EZR: variants seen among roughly 807,000 people sequenced by gnomAD.
EZR encodes cytovillin 2.
A neutral mutation model predicts 74.8 loss-of-function variants in EZR; 40 were observed. That is an observed-to-expected ratio of 0.53 (90% CI 0.42 to 0.70). The LOEUF (loss-of-function observed/expected upper bound fraction) is 0.70. EZR is among the 30% of genes least tolerant of loss of function. EZR has a pLI of 0.00. For synonymous variants in EZR, 341 were observed against 283.3 expected, an observed-to-expected ratio of 1.20 and a Z score of -2.05; for missense variants, 678 against 755.8, an observed-to-expected ratio of 0.90 and a Z score of 1.21.
chr6:158,785,530 G>A lies in EZR; in HGVS notation c.246C>T (p.Ala82=). The stretch of plus-strand genomic sequence containing the variant: ...CAGCCACATCTTCAGGGTAGAACTT[G>A]GCCCGGAACTTGAACTGGAGGGGAT... ...KENPLQFKFR[A]KFYPEDVAEE... Residue 82 remains alanine (A), a synonymous_variant, in exon 5 of 14, where the codon GCC becomes GCT. Coordinates refer to ENST00000367075, the MANE Select transcript of EZR (RefSeq NM_001111077.2). 7 of 1,614,166 alleles carry A rather than the reference G, an allele frequency of 4.3e-6. No individual in the cohort carries two copies. The highest frequency in any genetic ancestry group is 1.1e-5 in the South Asian group (1 of 91,080).
chr6:158,787,993 A>T (rs1791628648), intron 3 of EZR, among the ~76,000 whole-genome samples: 1 of 152,222 alleles, frequency 6.6e-6, no homozygotes, highest in Admixed American at 6.5e-5. Context: ...ACATTTGTTG[A>T]ACATCATCTA....
chr6:158,766,867 C>A lies in EZR; in HGVS notation c.*47G>T, dbSNP rs1329244671. ...AAAGACACAAGCGTGGCGGGGCTGG[C>A]AGCGCCCGCTATGAGCACCCCTCTG... On this transcript the variant is annotated 3_prime_UTR_variant, in exon 14 of 14. Coordinates refer to ENST00000367075, the MANE Select transcript of EZR (RefSeq NM_001111077.2). 1.3e-5 allele frequency: 21 copies of A among 1,569,252 alleles called. No homozygotes were observed. The highest frequency in any genetic ancestry group is 1.8e-5 in the Non-Finnish European group (21 of 1,149,094).
At chr6:158,794,696 C>T (rs773697455) in intron 2 of EZR, among the ~76,000 whole-genome samples, 1 of 152,086 alleles carries the variant, frequency 6.6e-6, no homozygotes, top group Non-Finnish European at 1.5e-5. Context: ...AACGCAATCA[C>T]GTGTAGTACA....
intron 2 of EZR, among the ~76,000 whole-genome samples, chr6:158,790,971 A>G (rs1253822839): frequency 6.6e-6 from 1 of 152,214 alleles, no homozygotes. Context: ...ATAAGGACGT[A>G]TTACCTGTGC....
chr6:158,766,778 TTC>T lies in EZR; in HGVS notation c.*134_*135del, dbSNP rs1312486977. 6.6e-5 allele frequency: 60 copies of T among 906,482 alleles called. No homozygotes were observed. Among genetic ancestry groups the T allele is most frequent in the Admixed American group, 1.6e-4 (7 of 43,470 alleles). 56.2% of individuals were successfully genotyped at this position (906,482 alleles called of 1,614,324 possible). On this transcript the variant is annotated 3_prime_UTR_variant, in exon 14 of 14. Transcript: ENST00000367075. ...CTCCCTGGTTCCCAGCCCAGAATGT[TTC>T]TGTTGGGTAACTGCTTTCTAAAGGA...
intron 2 of EZR, among the ~76,000 whole-genome samples, chr6:158,810,577 G>T (rs556801046): frequency 1.3e-5 from 2 of 152,230 alleles, no homozygotes; most frequent in Non-Finnish European, 2.9e-5. Context: ...TGGTACCCAT[G>T]TGACTGATAA....
Position 158,767,385 on chromosome 6 carries a change from T to A in EZR, c.1472A>T (p.Asp491Val). The change falls in exon 13 of 14, where the codon GAT becomes GTT. Residue 491 changes from aspartate (D) to valine (V), a missense_variant. Around this residue, in one of 3 missense-constraint regions of EZR, gnomAD observed 342 missense variants for 341.2 expected, o/e 1.00. Coordinates refer to ENST00000367075, the MANE Select transcript of EZR (RefSeq NM_001111077.2). ...GTAGCCCGTGGGCTCTGCGCCCTCA[T>A]CCTGCAAGCTCTCCTGGACATGGTA... Reference protein sequence around the residue: ...VSYHVQESLQDEGAEPTGYSA... With the variant: ...VSYHVQESLQVEGAEPTGYSA... 1 of 1,593,616 alleles carries A rather than the reference T, an allele frequency of 6.3e-7. No individual in the cohort carries two copies. Among genetic ancestry groups the A allele is most frequent in the East Asian group, 2.3e-5 (1 of 43,080 alleles).
At chr6:158,801,198 T>C (rs540338244) in intron 2 of EZR, among the ~76,000 whole-genome samples, 19 of 152,284 alleles carry the variant, frequency 1.2e-4, no homozygotes, top group African/African-American at 4.6e-4. Flanking sequence ...CACTGTAGCC[T>C]CCACCTCCCG....
chr6:158,794,472 A>G (rs896997403), intron 2 of EZR, among the ~76,000 whole-genome samples: 3 of 152,202 alleles, frequency 2.0e-5, no homozygotes, highest in African/African-American at 7.2e-5. Flanking sequence ...ATCTTCAATA[A>G]TGCCAGAGGA....
chr6:158,808,546 A>T (rs1278831508), intron 2 of EZR, among the ~76,000 whole-genome samples: 20 of 152,232 alleles, frequency 1.3e-4, no homozygotes, highest in Admixed American at 1.3e-3. Flanking sequence ...AAAGCTTTTA[A>T]TCAGATTAGA....
intron 7 of EZR, among the ~76,000 whole-genome samples, chr6:158,781,856 C>T (rs1791442247): frequency 6.6e-6 from 1 of 151,366 alleles, no homozygotes; most frequent in Non-Finnish European, 1.5e-5. Flanking sequence ...CTCTGCCTCC[C>T]AGGCTCAAGT....
intron 8 of EZR, among the ~76,000 whole-genome samples, chr6:158,774,547 C>A (rs552120410): frequency 1.3e-5 from 2 of 151,910 alleles, no homozygotes; most frequent in Middle Eastern, 6.8e-3. Flanking sequence ...CTTTTGCTTA[C>A]GAGATGGCTT....
intron 2 of EZR, among the ~76,000 whole-genome samples, chr6:158,804,860 CCACT>C (rs1205801404): frequency 6.7e-6 from 1 of 150,236 alleles, no homozygotes; most frequent in African/African-American, 2.5e-5. Context: ...TGCGCTGCAC[CCACT>C]AACTCGTCAT....
rs143214391 is a variant in EZR, at chr6:158,794,150, G to A, written c.13-4779C>T. Among the ~76,000 whole-genome samples the A allele has an allele frequency of 1.7e-4, 26 of 152,310 alleles. No homozygotes were observed. In the East Asian group the frequency reaches 4.4e-3, roughly 26 times the overall value. The stretch of plus-strand genomic sequence containing the variant: ...AAATTAGCCGGGCGTGGTACCACGT[G>A]CCCATACATAGTCCCAGCTTCTTGG... On this transcript the variant is annotated intron_variant, in intron 2 of 13. Transcript: ENST00000367075.
rs1463961609 is a variant in EZR at position 158,766,961 on chromosome 6, G to A, written c.1714C>T (p.Arg572Trp). Residue 572 changes from arginine (R) to tryptophan (W), a missense_variant, in exon 14 of 14, where the codon CGG becomes TGG. Physicochemically the swap from Arg to Trp is moderately radical, Grantham distance 101. Coordinates refer to ENST00000367075, the MANE Select transcript of EZR (RefSeq NM_001111077.2). Reference sequence around the variant, plus strand: ...ATGCGCTGCTTGGTGTTGCCCTGCCGGATCTGCCGCAGCGTCTTGTACTTG... The same window carrying A: ...ATGCGCTGCTTGGTGTTGCCCTGCCAGATCTGCCGCAGCGTCTTGTACTTG... ...RDKYKTLRQIRQGNTKQRIDE... is the reference protein window; with the variant it reads ...RDKYKTLRQIWQGNTKQRIDE... 9 of 1,614,156 alleles carry A rather than the reference G, an allele frequency of 5.6e-6. No homozygotes were observed. The highest frequency in any genetic ancestry group is 5.9e-6 in the Non-Finnish European group (7 of 1,180,030).
At chr6:158,767,550 G>C (rs376428023) in intron 12 of EZR, 38 bp from the exon 13 acceptor site, 28 of 1,541,394 alleles carry the variant, frequency 1.8e-5, no homozygotes, top group Non-Finnish European at 2.4e-5. Context: ...TTCTCACCCA[G>C]AAGTCCTATC....
intron 2 of EZR, among the ~76,000 whole-genome samples, chr6:158,799,174 A>AG: frequency 6.6e-6 from 1 of 152,142 alleles, no homozygotes; most frequent in Non-Finnish European, 1.5e-5. Flanking sequence ...CCTTATATGC[A>AG]GCCATTCACA....
At chr6:158,806,461 T>C (rs1026026134) in intron 2 of EZR, among the ~76,000 whole-genome samples, 8 of 151,042 alleles carry the variant, frequency 5.3e-5, no homozygotes, top group African/African-American at 1.9e-4. Flanking sequence ...CCATTCTTTC[T>C]TCTACTCTAC....
In EZR at chr6:158,813,450, G is replaced by A. The variant is rs1030287387; in HGVS notation, c.12+4632C>T. Among the ~76,000 whole-genome samples, 9 of 152,206 alleles carry A rather than the reference G, an allele frequency of 5.9e-5. No homozygotes were observed. In the East Asian group the frequency reaches 1.5e-3, roughly 26 times the overall value. Reference sequence around the variant, plus strand: ...GTGAACATCCAAATACATTCATTGTGCCTTACAGCGTGATCATGGCAAATC... The same window carrying A: ...GTGAACATCCAAATACATTCATTGTACCTTACAGCGTGATCATGGCAAATC... On this transcript the variant is annotated intron_variant, in intron 2 of 13. Coordinates refer to ENST00000367075, the MANE Select transcript of EZR (RefSeq NM_001111077.2).
Sources: allele counts gnomAD v4.1 joint callset (sites outside exome capture counted in the v4.1 genomes callset), GRCh38; gene constraint gnomAD v4.1.1; regional missense constraint gnomAD v4.1.1; transcripts MANE v1.5; gene names NCBI Gene and HGNC (gene_info 2026-07-23, HGNC 2026-07-21).